The following NOTCH1 variants were observed in gnomAD, a reference collection of about 807,000 sequenced individuals.
The protein encoded by NOTCH1 is notch receptor 1.
In NOTCH1, 37 loss-of-function variants were observed where a neutral mutation model predicts 254.8. The ratio of observed to expected loss-of-function variants is 0.15; its 90% CI spans 0.11 to 0.19. The LOEUF (loss-of-function observed/expected upper bound fraction) is 0.19. Ranked by LOEUF, NOTCH1 falls within the 10% of genes least tolerant of loss-of-function variation. NOTCH1 has a pLI of 1.00. For synonymous variants in NOTCH1, 1,731 were observed against 1,618.1 expected (o/e 1.07, Z -1.68); for missense variants, 2,972 against 3,708.6 (o/e 0.80, Z 5.16).
At chr9:136,518,384 G>A in intron 6 of NOTCH1, 92 bp from the exon 7 acceptor site, 1 of 1,505,748 alleles carries the variant, frequency 6.6e-7, no homozygotes, top group Non-Finnish European at 8.9e-7. Context: ...GACACCCCAG[G>A]AGGAGCTGCC....
rs1361115344 is a variant in NOTCH1, at chr9:136,505,562, A to T, written c.4334T>A (p.Ile1445Asn). 6.2e-7 allele frequency: 1 copy of T among 1,610,956 alleles called. No homozygotes were observed. Among genetic ancestry groups the T allele is most frequent in the African/African-American group, 1.3e-5 (1 of 74,894 alleles). Residue 1445 changes from isoleucine to asparagine, a missense_variant, in exon 25 of 34, where the codon ATC becomes AAC. Ile to Asn is a moderately radical substitution (Grantham distance 149). Coordinates refer to ENST00000651671, the MANE Select transcript of NOTCH1 (RefSeq NM_017617.5). ...CTCGGGCAGCTCGCACGCCTCCTCG[A>T]TCAGCGGCGGGGGGATGTCGCGCCC... ...GAGRDIPPPL[I>N]EEACELPECQ...
rs1224679118 is a variant in NOTCH1, at chr9:136,507,321, G to A, written c.3627C>T (p.Cys1209=). The A allele has an allele frequency of 6.2e-7, 1 of 1,612,952 alleles. No homozygotes were observed. Among genetic ancestry groups the A allele is most frequent in the South Asian group, 1.1e-5 (1 of 91,088 alleles). Residue 1209 remains cysteine, a synonymous_variant, in exon 22 of 34, where the codon TGC becomes TGT. Transcript: ENST00000651671. The part of the protein sequence containing the change: ...LDLPNTYKCS[C]PRGTQGVHCE... Reference sequence around the variant, plus strand: ...GGCCCTTACCCTGAGTGCCCCGTGGGCAGGAGCACTTGTAGGTGTTGGGGA... The same window carrying A: ...GGCCCTTACCCTGAGTGCCCCGTGGACAGGAGCACTTGTAGGTGTTGGGGA...
At position 136,509,590 on chromosome 9, in the gene NOTCH1, G is replaced by T. The variant is rs1843145159; in HGVS notation, c.2969+143C>A. On this transcript the variant is annotated intron_variant, in intron 18 of 33. Transcript: ENST00000651671. ...CTCAGGAGGGACAGGTCGGTACAAT[G>T]AACAATGTCTGGACTCAATGCAGCC... 1.7e-5 allele frequency: 13 copies of T among 756,900 alleles called. No individual in the cohort carries two copies. The South Asian group carries it at 1.9e-4, about 11-fold the overall frequency. 46.9% of individuals were successfully genotyped at this position (756,900 alleles called of 1,614,324 possible). A position where few individuals can be genotyped will look rare whatever the true frequency, so the allele number is the denominator to read the frequency against.
Position 136,507,364 on chromosome 9 carries a change from C to T in NOTCH1, c.3584G>A (p.Gly1195Glu). The part of the protein sequence containing the change: ...DECLSHPCQN[G>E]GTCLDLPNTY... ...GTTGGGGAGGTCGAGGCAGGTGCCCCCGTTCTGGCAGGGGTGGGAGAGGCA... is the reference window on the plus strand; with the variant it reads ...GTTGGGGAGGTCGAGGCAGGTGCCCTCGTTCTGGCAGGGGTGGGAGAGGCA... Residue 1195 changes from glycine (G) to glutamate (E), a missense_variant, in exon 22 of 34, where the codon GGG becomes GAG. Physicochemically the swap from Gly to Glu is moderately conservative, Grantham distance 98. Around this residue, in one of 8 missense-constraint regions of NOTCH1, gnomAD observed 1,343 missense variants for 1,557.0 expected, o/e 0.86. Coordinates refer to ENST00000651671, the MANE Select transcript of NOTCH1 (RefSeq NM_017617.5). 6.2e-7 allele frequency: 1 copy of T among 1,612,830 alleles called. No homozygotes were observed. Among genetic ancestry groups the T allele is most frequent in the Non-Finnish European group, 8.5e-7 (1 of 1,179,898 alleles).
intron 2 of NOTCH1, among the ~76,000 whole-genome samples, chr9:136,528,168 C>T (rs531245740): frequency 6.6e-6 from 1 of 150,656 alleles, no homozygotes; most frequent in Non-Finnish European, 1.5e-5. Flanking sequence ...TCACTTCCTG[C>T]CCTCAAGGAG....
chr9:136,516,819 G>A (rs570657802), intron 9 of NOTCH1, among the ~76,000 whole-genome samples: 2 of 152,290 alleles, frequency 1.3e-5, no homozygotes, highest in African/African-American at 4.8e-5. Context: ...ACTGGGCCCT[G>A]CCCTTCCTTC....
chr9:136,536,213 G>C (rs1433102701), intron 2 of NOTCH1, among the ~76,000 whole-genome samples: 2 of 152,194 alleles, frequency 1.3e-5, no homozygotes, highest in Non-Finnish European at 2.9e-5. Flanking sequence ...ACAGGGAGAA[G>C]TCCCCCAGCT....
Position 136,522,727 on chromosome 9 carries a change from G to T in NOTCH1, c.742+123C>A, listed in dbSNP as rs542515411. 1.1e-5 allele frequency: 11 copies of T among 961,340 alleles called. No homozygotes were observed. In the East Asian group the frequency reaches 1.4e-4, roughly 12 times the overall value. The allele number at this position is 961,340 out of a possible 1,614,324, so 59.6% of individuals were successfully genotyped here. On this transcript the variant is annotated intron_variant, in intron 4 of 33. Transcript: ENST00000651671. ...CGCAGTCTGGGGAACTCGCCATCCC[G>T]CCTTCCCAACTCCCCGCCATGGGCC... is the stretch of plus-strand genomic sequence containing the variant.
intron 28 of NOTCH1, 37 bp from the exon 29 acceptor site, chr9:136,502,125 G>A (rs762214844): frequency 1.2e-6 from 2 of 1,610,262 alleles, no homozygotes; most frequent in Non-Finnish European, 1.7e-6. Flanking sequence ...GGCTGAGCGA[G>A]CTCCCTAGGA....
At position 136,518,595 on chromosome 9, in the gene NOTCH1, G is replaced by A. The variant is rs1843315720; in HGVS notation, c.1095C>T (p.Arg365=). 6.2e-7 allele frequency: 1 copy of A among 1,612,014 alleles called. No individual in the cohort carries two copies. Among genetic ancestry groups the A allele is most frequent in the Non-Finnish European group, 8.5e-7 (1 of 1,179,644 alleles). The change falls in exon 6 of 34, where the codon CGC becomes CGT. Residue 365 remains arginine, a synonymous_variant. Coordinates refer to ENST00000651671, the MANE Select transcript of NOTCH1 (RefSeq NM_017617.5). ...CCTGGGCCTCAAGGCACTCACCTGT[G>A]CGGCCATGGGGACACTCGCAGTAGA... ...ASFYCECPHG[R]TGLLCHLNDA...
At chr9:136,527,823 G>A (rs1843490011) in intron 2 of NOTCH1, among the ~76,000 whole-genome samples, 1 of 152,152 alleles carries the variant, frequency 6.6e-6, no homozygotes, top group Admixed American at 6.5e-5. Context: ...GGCGGGCGGG[G>A]ACTCCAGGAG....
intron 4 of NOTCH1, chr9:136,522,501 G>A (rs1035388355): frequency 7.2e-5 from 22 of 305,376 alleles, no homozygotes; most frequent in Middle Eastern, 8.5e-4. Flanking sequence ...CAGCTCCCAC[G>A]CCCTCTCCGG....
chr9:136,526,251 G>C (rs1843458025), intron 2 of NOTCH1, among the ~76,000 whole-genome samples: 1 of 152,258 alleles, frequency 6.6e-6, no homozygotes, highest in South Asian at 2.1e-4. Context: ...GCTGGGCTGG[G>C]CTGTGGCCAC....
intron 2 of NOTCH1, among the ~76,000 whole-genome samples, chr9:136,529,561 C>A (rs1035011941): frequency 2.0e-5 from 3 of 152,208 alleles, no homozygotes; most frequent in Non-Finnish European, 4.4e-5. Flanking sequence ...GATGCTGGAA[C>A]CTCGTTGCTC....
rs550554578 is a variant in NOTCH1, at chr9:136,522,880, C to T, written c.712G>A (p.Asp238Asn). 7.9e-6 allele frequency: 12 copies of T among 1,523,124 alleles called. No individual in the cohort carries two copies. The highest frequency in any genetic ancestry group is 4.1e-5 in the African/African-American group (3 of 72,846). The allele number at this position is 1,523,124 out of a possible 1,614,324, so 94.4% of individuals were successfully genotyped here. The change falls in exon 4 of 34, where the codon GAC (aspartate) becomes AAC (asparagine). Residue 238 changes from aspartate to asparagine, a missense_variant. This residue lies in a region of NOTCH1 where 374 missense variants were observed against 496.3 expected (regional missense o/e 0.75). Coordinates refer to ENST00000651671, the MANE Select transcript of NOTCH1 (RefSeq NM_017617.5). ...QNGGTCRPTG[D>N]VTHECACLPG... ...AGGCAGGCACACTCGTGGGTGACGT[C>T]GCCCGTGGGGCGGCAGGTGCCCCCG...
In NOTCH1 at chr9:136,496,894, G is replaced by A; in HGVS notation, c.6845C>T (p.Thr2282Ile). ...GCTGCTGGAGCCCAGGACGGTGCTG[G>A]TGCCAGAGGCCACAGGCAGGTGGGA... ...RLSHLPVASGTSTVLGSSSGG... is the reference protein window; with the variant it reads ...RLSHLPVASGISTVLGSSSGG... The change falls in exon 34 of 34, where the codon ACC (threonine) becomes ATC (isoleucine). Residue 2282 changes from threonine to isoleucine, a missense_variant. Coordinates refer to ENST00000651671, the MANE Select transcript of NOTCH1 (RefSeq NM_017617.5). 2 of 1,612,812 alleles carry A rather than the reference G, an allele frequency of 1.2e-6. No individual in the cohort carries two copies. The highest frequency in any genetic ancestry group is 1.7e-5 in the Admixed American group (1 of 60,026).
chr9:136,525,460 C>T (rs1843444349), intron 2 of NOTCH1, among the ~76,000 whole-genome samples: 2 of 152,380 alleles, frequency 1.3e-5, no homozygotes, highest in East Asian at 1.9e-4. Context: ...GCAGAACATG[C>T]CACCAGCCTC....
chr9:136,501,163 G>A (rs1287912484), intron 30 of NOTCH1, among the ~76,000 whole-genome samples: 3 of 152,222 alleles, frequency 2.0e-5, no homozygotes, highest in African/African-American at 4.8e-5. Context: ...AGCAGGATGC[G>A]GAGGCTCACG....
Position 136,545,753 on chromosome 9 carries a change from C to T in NOTCH1, c.34G>A (p.Ala12Thr). 1 of 1,411,568 alleles carries T rather than the reference C, an allele frequency of 7.1e-7. No homozygotes were observed. Among genetic ancestry groups the T allele is most frequent in the Non-Finnish European group, 9.2e-7 (1 of 1,085,662 alleles). The allele number at this position is 1,411,568 out of a possible 1,614,324, so 87.4% of individuals were successfully genotyped here. A position where few individuals can be genotyped will look rare whatever the true frequency, so the allele number is the denominator to read the frequency against. Residue 12 changes from alanine (A) to threonine (T), a missense_variant, in exon 1 of 34, where the codon GCG (alanine) becomes ACG (threonine). Coordinates refer to ENST00000651671, the MANE Select transcript of NOTCH1 (RefSeq NM_017617.5). This position sits in a 1 kb window ranked among gnomAD's most constrained non-coding sequence, Gnocchi z 6.8. The part of the protein sequence containing the change: ...PPLLAPLLCL[A>T]LLPALAARGP... ...CGTGCGGCGAGCGCGGGCAGCAGCG[C>T]CAGGCAGAGCAGGGGCGCCAGGAGC...
Sources: allele counts gnomAD v4.1 joint callset (sites outside exome capture counted in the v4.1 genomes callset), GRCh38; gene constraint gnomAD v4.1.1; regional missense constraint gnomAD v4.1.1; non-coding constraint Gnocchi (gnomAD v3.1); transcripts MANE v1.5; gene names NCBI Gene and HGNC (gene_info 2026-07-23, HGNC 2026-07-21).